BST1: variants seen among roughly 807,000 people sequenced by gnomAD.
The protein encoded by BST1 is ADP-ribosyl cyclase/cyclic ADP-ribose hydrolase 2.
In BST1, 49 loss-of-function variants were observed where a neutral mutation model predicts 40.6. The ratio of observed to expected loss-of-function variants is 1.21; its 90% confidence interval spans 0.96 to 1.53. BST1 has a LOEUF of 1.53. Among genes scored for constraint, BST1 ranks in the 40% most tolerant of loss-of-function variants. BST1 has a pLI of 0.00. For synonymous variants in BST1, 157 were observed against 159.3 expected (o/e 0.99, Z 0.11); for missense variants, 423 against 395.9 (o/e 1.07, Z -0.58).
the BST1 span, among the ~76,000 whole-genome samples, chr4:15,766,426 CCT>C: frequency 6.6e-6 from 1 of 151,862 alleles, no homozygotes; most frequent in Admixed American, 6.6e-5. Flanking sequence ...TTGATGAACT[CCT>C]GTCTTTACTC....
chr4:15,713,206 CT>C (rs34681185), intron 4 of BST1, among the ~76,000 whole-genome samples: 5,272 of 114,522 alleles, frequency 0.046, 61 homozygotes, highest in East Asian at 0.12. Flanking sequence ...ATATTTTCAT[CT>C]TTTTTTTTTT....
intron 4 of BST1, 73 bp from the exon 5 acceptor site, chr4:15,715,212 G>A: frequency 7.2e-7 from 1 of 1,380,372 alleles, no homozygotes; most frequent in Non-Finnish European, 1.0e-6. Context: ...CTGACAATTT[G>A]TAAAAAATGC....
Position 15,732,054 on chromosome 4 carries a change from C to T in BST1, c.*209C>T. 7.9e-7 allele frequency: 1 copy of T among 1,259,050 alleles called. No individual in the cohort carries two copies. The allele number at this position is 1,259,050 out of a possible 1,614,324, so 78.0% of individuals were successfully genotyped here. ...CTATTTAGCAGGTTAAAAAATGCTG[C>T]ATTAGAATTAAAGCAAGTTATTTTC... On this transcript the variant is annotated 3_prime_UTR_variant, in exon 9 of 9. Transcript: ENST00000265016.
intron 8 of BST1, among the ~76,000 whole-genome samples, chr4:15,728,449 C>CTTTTTTTT (rs974237825): frequency 3.3e-5 from 4 of 119,596 alleles, no homozygotes; most frequent in Non-Finnish European, 3.4e-5. Flanking sequence ...AATTCTTTTT[C>CTTTTTTTT]TTTTTTTTTT....
chr4:15,743,337 G>A, the BST1 span: 1 of 351,942 alleles, frequency 2.8e-6, no homozygotes, highest in Non-Finnish European at 5.6e-6. Context: ...ACATCTTACA[G>A]ATGCAGAGAT....
intron 6 of BST1, among the ~76,000 whole-genome samples, chr4:15,717,243 CTG>C (rs1169854563): frequency 2.0e-5 from 3 of 152,182 alleles, no homozygotes; most frequent in African/African-American, 7.2e-5. Context: ...TTATTCAACA[CTG>C]TGCTTTCTTC....
chr4:15,757,115 A>G, the BST1 span, among the ~76,000 whole-genome samples: 1 of 152,040 alleles, frequency 6.6e-6, no homozygotes, highest in South Asian at 2.1e-4. Flanking sequence ...TATTCACCTT[A>G]TATTTCCTCC....
At chr4:15,760,073 G>T in the BST1 span, among the ~76,000 whole-genome samples, 5 of 151,840 alleles carry the variant, frequency 3.3e-5, no homozygotes, top group Non-Finnish European at 7.4e-5. Flanking sequence ...ATTCCTATTG[G>T]GCTGTCACTC....
intron 3 of BST1, among the ~76,000 whole-genome samples, chr4:15,708,130 G>A (rs112094714): frequency 5.9e-5 from 9 of 152,198 alleles, no homozygotes; most frequent in African/African-American, 2.2e-4. Flanking sequence ...TTGTCCAGAG[G>A]GGGAAGCTGA....
intron 1 of BST1, among the ~76,000 whole-genome samples, chr4:15,703,575 C>T (rs559597234): frequency 1.4e-5 from 2 of 138,394 alleles, no homozygotes; most frequent in East Asian, 4.6e-4. Context: ...TGTGTGTGTG[C>T]GCGCACACAC....
downstream of BST1, among the ~76,000 whole-genome samples, chr4:15,734,259 T>C (rs1029069859): frequency 6.6e-5 from 10 of 152,196 alleles, no homozygotes; most frequent in African/African-American, 2.4e-4. Flanking sequence ...AGCTGCTCTG[T>C]GTCTTGATTG....
chr4:15,739,848 G>T (rs1015110773), downstream of BST1, among the ~76,000 whole-genome samples: 3 of 151,920 alleles, frequency 2.0e-5, no homozygotes, highest in African/African-American at 7.3e-5. Context: ...AATAAAATTT[G>T]GTGGTAGGAG....
At position 15,711,825 on chromosome 4, in the gene BST1, G is replaced by T. The variant is rs1459813693; in HGVS notation, c.470G>T (p.Cys157Phe). ...CCCTTAGGACTCGATTACCAATCCT[G>T]CCCTACATCAGAAGACTGTGAAAAT... ...KNDSGLDYQS[C>F]PTSEDCENNP... The change falls in exon 4 of 9, where the codon TGC becomes TTC. Residue 157 changes from cysteine (C) to phenylalanine (F), a missense_variant. By Grantham distance (205) the Cys-to-Phe change is radical. Transcript: ENST00000265016. 4 of 1,613,950 alleles carry T rather than the reference G, an allele frequency of 2.5e-6. No individual in the cohort carries two copies. The highest frequency in any genetic ancestry group is 3.3e-4 in the Middle Eastern group (2 of 6,062).
At chr4:15,719,211 A>G (rs1330353871) in intron 7 of BST1, among the ~76,000 whole-genome samples, 8 of 151,952 alleles carry the variant, frequency 5.3e-5, no homozygotes, top group Non-Finnish European at 1.2e-4. Flanking sequence ...TGGACGTTTA[A>G]AGAACACACA....
chr4:15,766,804 A>AT, the BST1 span, among the ~76,000 whole-genome samples: 4 of 151,026 alleles, frequency 2.6e-5, no homozygotes, highest in African/African-American at 9.8e-5. Flanking sequence ...AAAAAAAAAA[A>AT]AAAAAGACCT....
downstream of BST1, among the ~76,000 whole-genome samples, chr4:15,742,808 A>G (rs1721777001): frequency 6.6e-6 from 1 of 152,238 alleles, no homozygotes. Flanking sequence ...GAACTAAGGC[A>G]TACAGTGCAG....
At chr4:15,714,440 AGCCCAT>A in intron 4 of BST1, among the ~76,000 whole-genome samples, 1 of 152,336 alleles carries the variant, frequency 6.6e-6, no homozygotes, top group South Asian at 2.1e-4. Context: ...CACACAGTAG[AGCCCAT>A]GCCCCTCAAA....
At chr4:15,717,550 G>A (rs1720581389) in intron 6 of BST1, among the ~76,000 whole-genome samples, 1 of 152,184 alleles carries the variant, frequency 6.6e-6, no homozygotes, top group South Asian at 2.1e-4. Context: ...TACTTTATCA[G>A]GGTGTAATTT....
intron 7 of BST1, among the ~76,000 whole-genome samples, chr4:15,720,738 C>T (rs1024961580): frequency 6.6e-6 from 1 of 152,038 alleles, no homozygotes; most frequent in Non-Finnish European, 1.5e-5. Context: ...GAACAGTGAG[C>T]TATGATGGTG....
Sources: allele counts gnomAD v4.1 joint callset (sites outside exome capture counted in the v4.1 genomes callset), GRCh38; gene constraint gnomAD v4.1.1; transcripts MANE v1.5; gene names NCBI Gene and HGNC (gene_info 2026-07-23, HGNC 2026-07-21).